The following EIF2B3 variants were observed in gnomAD, a reference collection of about 807,000 sequenced individuals.
The protein encoded by EIF2B3 is eukaryotic translation initiation factor 2B subunit gamma, also known as translation initiation factor eIF2B subunit gamma.
Under a neutral mutation model 54.1 loss-of-function variants are expected in EIF2B3, and 20 were observed. That is an observed-to-expected ratio of 0.37 (90% confidence interval 0.26 to 0.54). EIF2B3 has a LOEUF of 0.54. Ranked by LOEUF, EIF2B3 falls within the 20% of genes least tolerant of loss-of-function variation. EIF2B3 has a pLI of 0.86. For synonymous variants in EIF2B3, 153 were observed against 188.1 expected, an observed-to-expected ratio of 0.81 and a Z score of 1.52; for missense variants, 448 against 547.8, an observed-to-expected ratio of 0.82 and a Z score of 1.82.
rs1654246787 is a variant in EIF2B3 at position 44,850,842 on chromosome 1, C to G, written c.*109G>C. 3 of 1,269,762 alleles carry G rather than the reference C, an allele frequency of 2.4e-6. No homozygotes were observed. Among genetic ancestry groups the G allele is most frequent in the East Asian group, 2.3e-5 (1 of 43,144 alleles). The allele number at this position is 1,269,762 out of a possible 1,614,324, so 78.7% of individuals were successfully genotyped here. ...GACTGCTCCACAAGTCTCCAGCATG[C>G]CTTTGGAAGCCCTTCTTTATTGGGA... On this transcript the variant is annotated 3_prime_UTR_variant, in exon 12 of 12. Transcript: ENST00000360403.
chr1:44,926,550 C>A, intron 5 of EIF2B3, 78 bp downstream of exon 5: 1 of 1,142,932 alleles, frequency 8.7e-7, no homozygotes, highest in Non-Finnish European at 1.3e-6. Context: ...TTTTCATTCC[C>A]TCTTTCCCAT....
At chr1:44,950,948 C>T (rs1055577174) in intron 3 of EIF2B3, among the ~76,000 whole-genome samples, 8 of 152,254 alleles carry the variant, frequency 5.3e-5, no homozygotes, top group African/African-American at 1.9e-4. Flanking sequence ...CTTGGCCTCC[C>T]GAAGTGTTGG....
At chr1:44,890,732 G>A (rs972260981) in intron 6 of EIF2B3, among the ~76,000 whole-genome samples, 15 of 152,098 alleles carry the variant, frequency 9.9e-5, no homozygotes, top group Admixed American at 8.5e-4. Context: ...CCACGACTCT[G>A]TCTATAAGTT....
intron 3 of EIF2B3, among the ~76,000 whole-genome samples, chr1:44,960,503 G>A (rs1317874008): frequency 6.6e-6 from 1 of 152,040 alleles, no homozygotes; most frequent in Non-Finnish European, 1.5e-5. Flanking sequence ...GCCAGGCGAG[G>A]TGGCGGGCGC....
intron 5 of EIF2B3, among the ~76,000 whole-genome samples, chr1:44,905,748 C>A (rs1173905290): frequency 2.0e-5 from 3 of 152,042 alleles, no homozygotes; most frequent in Non-Finnish European, 4.4e-5. Flanking sequence ...TAATTACATA[C>A]AAAAATACCT....
At chr1:44,928,500 G>GTT (rs113385864) in intron 4 of EIF2B3, among the ~76,000 whole-genome samples, 3 of 139,174 alleles carry the variant, frequency 2.2e-5, no homozygotes, top group African/African-American at 2.6e-5. Context: ...AGGGCGCTTC[G>GTT]TTTTTTTTTT....
chr1:44,859,837 A>G (rs1654551996), intron 10 of EIF2B3, among the ~76,000 whole-genome samples: 3 of 141,374 alleles, frequency 2.1e-5, no homozygotes, highest in South Asian at 2.3e-4. Context: ...GTTCACTGCA[A>G]CCTCTGTCTC....
intron 10 of EIF2B3, among the ~76,000 whole-genome samples, chr1:44,864,284 G>C (rs1654701457): frequency 1.3e-5 from 2 of 152,206 alleles, no homozygotes; most frequent in Non-Finnish European, 2.9e-5. Flanking sequence ...TGACAGAAGT[G>C]CTGGGCTCGG....
intron 10 of EIF2B3, among the ~76,000 whole-genome samples, chr1:44,869,370 C>A (rs575262102): frequency 6.6e-6 from 1 of 151,066 alleles, no homozygotes; most frequent in Non-Finnish European, 1.5e-5. Flanking sequence ...CCCAACTACT[C>A]GGGAGTTTGA....
At chr1:44,872,306 T>G (rs1228202972) in intron 10 of EIF2B3, among the ~76,000 whole-genome samples, 1 of 152,088 alleles carries the variant, frequency 6.6e-6, no homozygotes, top group East Asian at 1.9e-4. Context: ...GTGCCGGGAC[T>G]ATGGATATGA....
chr1:44,958,958 A>G, intron 3 of EIF2B3: 1 of 775,658 alleles, frequency 1.3e-6, no homozygotes, highest in South Asian at 1.4e-5. Context: ...GCGAGGATGT[A>G]GAATTGACCT....
chr1:44,948,847 T>G (rs569201876), intron 3 of EIF2B3, among the ~76,000 whole-genome samples: 12 of 146,754 alleles, frequency 8.2e-5, no homozygotes, highest in African/African-American at 2.3e-4. Context: ...TGTTAACTTT[T>G]TCTTTTCTTT....
chr1:44,971,893 C>T (rs1167449941), intron 3 of EIF2B3, among the ~76,000 whole-genome samples: 2 of 151,758 alleles, frequency 1.3e-5, no homozygotes, highest in East Asian at 1.9e-4. Flanking sequence ...ATTAGCTGGC[C>T]GTGGTGGTAT....
intron 5 of EIF2B3, among the ~76,000 whole-genome samples, chr1:44,900,408 C>A (rs1643258247): frequency 7.2e-6 from 1 of 137,956 alleles, no homozygotes; most frequent in South Asian, 2.3e-4. Flanking sequence ...TAACATGCCA[C>A]TGCACTCCAG....
intron 5 of EIF2B3, among the ~76,000 whole-genome samples, chr1:44,907,489 CA>C (rs1471955496): frequency 1.3e-5 from 2 of 152,166 alleles, no homozygotes; most frequent in Admixed American, 6.5e-5. Flanking sequence ...ACCAGGAAGT[CA>C]GAGGTGGCAG....
intron 8 of EIF2B3, among the ~76,000 whole-genome samples, chr1:44,876,449 TGAG>T (rs1655152023): frequency 7.5e-6 from 1 of 133,036 alleles, no homozygotes; most frequent in Non-Finnish European, 1.6e-5. Context: ...GTCTGAGAAG[TGAG>T]GAGACCCTCT....
chr1:44,871,415 G>A (rs959911244), intron 10 of EIF2B3, among the ~76,000 whole-genome samples: 1 of 152,110 alleles, frequency 6.6e-6, no homozygotes, highest in Non-Finnish European at 1.5e-5. Flanking sequence ...ATTTAATCAT[G>A]CTGCTCTTTT....
At chr1:44,932,611 C>G (rs555922245) in intron 4 of EIF2B3, among the ~76,000 whole-genome samples, 2 of 151,848 alleles carry the variant, frequency 1.3e-5, no homozygotes, top group Admixed American at 6.6e-5. Flanking sequence ...TGAAGAACTT[C>G]GGAAACAAAA....
At chr1:44,959,230 T>C in intron 3 of EIF2B3, 1 of 698,774 alleles carries the variant, frequency 1.4e-6, no homozygotes, top group South Asian at 1.5e-5. Flanking sequence ...CCTGTTTAAA[T>C]CAGGGTGATG....
Sources: gnomAD v4.1 joint callset for allele counts (sites outside exome capture counted in the v4.1 genomes callset) on GRCh38, gnomAD v4.1.1 for gene constraint, MANE v1.5 for transcripts, NCBI Gene and HGNC (gene_info 2026-07-23, HGNC 2026-07-21) for gene names.